GRIA2: variants seen among roughly 807,000 people sequenced by gnomAD.
GRIA2 encodes glutamate ionotropic receptor AMPA type subunit 2, also known as glutamate receptor 2.
A neutral mutation model predicts 97.3 loss-of-function variants in GRIA2; 14 were observed. The ratio of observed to expected loss-of-function variants is 0.14; its 90% CI spans 0.10 to 0.23. The LOEUF (loss-of-function observed/expected upper bound fraction) is 0.23. GRIA2 is among the 10% of genes least tolerant of loss of function. The pLI is 1.00. For missense variants in GRIA2, 558 were observed against 1,069.8 expected, an observed-to-expected ratio of 0.52 and a Z score of 6.67; for synonymous variants, 412 against 387.8, an observed-to-expected ratio of 1.06 and a Z score of -0.73.
chr4:157,331,579 G>A (rs1483531895), intron 6 of GRIA2, among the ~76,000 whole-genome samples: 1 of 151,904 alleles, frequency 6.6e-6, no homozygotes, highest in Non-Finnish European at 1.5e-5. Flanking sequence ...ACATACAAGT[G>A]AAGCAGATAT....
chr4:157,320,380 G>A (rs1205552953), intron 5 of GRIA2, among the ~76,000 whole-genome samples: 2 of 152,052 alleles, frequency 1.3e-5, no homozygotes, highest in Non-Finnish European at 2.9e-5. Flanking sequence ...AGCAGTAAAA[G>A]TGTCATGCAG....
chr4:157,335,563 C>A, intron 9 of GRIA2, 108 bp from the exon 10 acceptor site: 2 of 694,010 alleles, frequency 2.9e-6, no homozygotes, highest in Non-Finnish European at 5.1e-6. Flanking sequence ...CTATATTCTT[C>A]ATTCACTCTG....
chr4:157,306,719 A>AT (rs1447378662), intron 3 of GRIA2, among the ~76,000 whole-genome samples: 4 of 152,054 alleles, frequency 2.6e-5, no homozygotes, highest in Admixed American at 2.6e-4. Flanking sequence ...AATTTTTGCT[A>AT]TTTGTTTTTT....
chr4:157,342,266 G>C (rs1257163619), intron 12 of GRIA2: 1 of 983,152 alleles, frequency 1.0e-6, no homozygotes, highest in Admixed American at 6.2e-5. Context: ...GCTTATTCCG[G>C]AATTAGGATT....
rs151001825 is a variant in GRIA2 at position 157,329,494 on chromosome 4, T to C, written c.883-3325T>C. On this transcript the variant is annotated intron_variant, in intron 6 of 15. Coordinates refer to ENST00000264426, the MANE Select transcript of GRIA2 (RefSeq NM_001083619.3). The stretch of plus-strand genomic sequence containing the variant: ...AGAAATTTCAAAATTGGTCATTAAT[T>C]TGGGAAATACTAATTAAACAGTTAA... Among the ~76,000 whole-genome samples the C allele has an allele frequency of 2.3e-3, 343 of 152,004 alleles. 2 individuals carry two copies. Among genetic ancestry groups the C allele is most frequent in the African/African-American group, 7.8e-3 (325 of 41,520 alleles).
chr4:157,241,022 C>T (rs980090180), intron 2 of GRIA2, among the ~76,000 whole-genome samples: 1 of 152,056 alleles, frequency 6.6e-6, no homozygotes, highest in African/African-American at 2.4e-5. Context: ...ATCCATGTCC[C>T]TACAAAGGAC....
intron 11 of GRIA2, 92 bp from the exon 12 acceptor site, chr4:157,341,172 C>A: frequency 1.2e-6 from 1 of 808,284 alleles, no homozygotes; most frequent in Non-Finnish European, 2.1e-6. Context: ...TAAATATTCC[C>A]CTATAAGTCA....
chr4:157,317,678 T>A lies in GRIA2; in HGVS notation c.687T>A (p.His229Gln). The change falls in exon 5 of 16, where the codon CAT (histidine) becomes CAA (glutamine). Residue 229 changes from histidine (H) to glutamine (Q), a missense_variant. Coordinates refer to ENST00000264426, the MANE Select transcript of GRIA2 (RefSeq NM_001083619.3). Reference protein sequence around the residue: ...IVDQVITIGKHVKGYHYIIAN... With the variant: ...IVDQVITIGKQVKGYHYIIAN... ...ATTAGGTTATTACCATTGGAAAACA[T>A]GTTAAAGGGTACCACTACATCATTG... 1 of 1,218,812 alleles carries A rather than the reference T, an allele frequency of 8.2e-7. No individual in the cohort carries two copies. Among genetic ancestry groups the A allele is most frequent in the Non-Finnish European group, 1.2e-6 (1 of 829,124 alleles). The allele number at this position is 1,218,812 out of a possible 1,614,324, so 75.5% of individuals were successfully genotyped here.
At chr4:157,252,000 C>T (rs746481722) in intron 2 of GRIA2, among the ~76,000 whole-genome samples, 7 of 152,064 alleles carry the variant, frequency 4.6e-5, no homozygotes, top group Non-Finnish European at 8.8e-5. Context: ...TGCTTTTGCA[C>T]CATTAGTGCA....
intron 2 of GRIA2, among the ~76,000 whole-genome samples, chr4:157,277,942 G>C (rs988638277): frequency 7.4e-6 from 1 of 135,384 alleles, no homozygotes; most frequent in South Asian, 2.3e-4. Context: ...GTGAGGAAAA[G>C]TACAAAGCAC....
intron 12 of GRIA2, among the ~76,000 whole-genome samples, chr4:157,350,610 C>A (rs1183989058): frequency 2.0e-5 from 3 of 150,362 alleles, no homozygotes; most frequent in Non-Finnish European, 4.4e-5. Context: ...ATGTATTCTT[C>A]AGTTACTACA....
At chr4:157,336,878 A>G in intron 11 of GRIA2, 131 bp downstream of exon 11, 1 of 748,816 alleles carries the variant, frequency 1.3e-6, no homozygotes, top group Non-Finnish European at 2.2e-6. Context: ...CTCTTGAAGG[A>G]CATCCTCTTA....
intron 2 of GRIA2, among the ~76,000 whole-genome samples, chr4:157,225,686 C>T (rs1467075165): frequency 6.7e-6 from 1 of 149,998 alleles, no homozygotes; most frequent in East Asian, 2.0e-4. Flanking sequence ...ACCTTGTAGG[C>T]CTTCATGCCT....
At chr4:157,362,626 T>G (rs777810667) in intron 14 of GRIA2, among the ~76,000 whole-genome samples, 173 bp from the exon 15 acceptor site, 1 of 152,126 alleles carries the variant, frequency 6.6e-6, no homozygotes, top group Non-Finnish European at 1.5e-5. Flanking sequence ...TTTATGTTGT[T>G]TCATGGTAGC....
chr4:157,317,728 G>T lies in GRIA2; in HGVS notation c.720+17G>T, dbSNP rs1054341013. 2.8e-6 allele frequency: 3 copies of T among 1,058,950 alleles called. No homozygotes were observed. The highest frequency in any genetic ancestry group is 4.4e-6 in the Non-Finnish European group (3 of 686,582). 65.6% of individuals were successfully genotyped at this position (1,058,950 alleles called of 1,614,324 possible). ...GCAAATCTGGTAGGTGAATTAATTG[G>T]TATATATTATTTTACTAGATATGCT... On this transcript the variant is annotated intron_variant, in intron 5 of 15. Transcript: ENST00000264426.
intron 12 of GRIA2, among the ~76,000 whole-genome samples, chr4:157,355,133 A>T (rs1209171850): frequency 6.6e-6 from 1 of 152,168 alleles, no homozygotes; most frequent in African/African-American, 2.4e-5. Context: ...CAGGGAACCA[A>T]CCAGCCTGCT....
At position 157,281,584 on chromosome 4, in the gene GRIA2, A is replaced by T. The variant is rs1447109400; in HGVS notation, c.230-21968A>T. Among the ~76,000 whole-genome samples the T allele has an allele frequency of 5.3e-5, 8 of 152,298 alleles. No homozygotes were observed. In the South Asian group the frequency reaches 1.2e-3, roughly 24 times the overall value. On this transcript the variant is annotated intron_variant, in intron 2 of 15. Coordinates refer to ENST00000264426, the MANE Select transcript of GRIA2 (RefSeq NM_001083619.3). Reference sequence around the variant, plus strand: ...TCTGCTTTCTAAGAAGTTCTCTGTGACAATACCCTTAATATTTTGTAAATA... The same window carrying T: ...TCTGCTTTCTAAGAAGTTCTCTGTGTCAATACCCTTAATATTTTGTAAATA...
intron 12 of GRIA2, among the ~76,000 whole-genome samples, chr4:157,346,171 A>G (rs960388362): frequency 3.3e-5 from 5 of 152,122 alleles, no homozygotes; most frequent in Non-Finnish European, 7.4e-5. Flanking sequence ...CATACAATAC[A>G]CTTATTTATA....
At chr4:157,285,326 G>A (rs1344847538) in intron 2 of GRIA2, among the ~76,000 whole-genome samples, 3 of 150,964 alleles carry the variant, frequency 2.0e-5, no homozygotes, top group Non-Finnish European at 4.4e-5. Flanking sequence ...ACTTATATTG[G>A]ATACAGATAT....
Sources: gnomAD v4.1 joint callset for allele counts (sites outside exome capture counted in the v4.1 genomes callset) on GRCh38, gnomAD v4.1.1 for gene constraint, MANE v1.5 for transcripts, NCBI Gene and HGNC (gene_info 2026-07-23, HGNC 2026-07-21) for gene names.